Variants in SLC25A21 observed in about 807,000 individuals in gnomAD.
The protein encoded by SLC25A21 is mitochondrial 2-oxodicarboxylate carrier.
SLC25A21 carries 47 observed loss-of-function variants against 43.8 expected under a neutral mutation model. That is an observed-to-expected ratio of 1.07 (90% CI 0.85 to 1.37). The LOEUF is 1.37. SLC25A21 is among the 40% of genes most tolerant of loss of function. The pLI is 0.00. For synonymous variants in SLC25A21, 131 were observed against 121.3 expected, an observed-to-expected ratio of 1.08 and a Z score of -0.52; for missense variants, 352 against 350.2, an observed-to-expected ratio of 1.00 and a Z score of -0.04.
chr14:36,782,216 T>C (rs1887088782), intron 3 of SLC25A21, among the ~76,000 whole-genome samples: 3 of 152,230 alleles, frequency 2.0e-5, no homozygotes, highest in Admixed American at 2.0e-4. Flanking sequence ...AAGTCCTCTT[T>C]GGGTTGAAGC....
At chr14:37,087,472 A>G (rs1250940894) in intron 1 of SLC25A21, among the ~76,000 whole-genome samples, 1 of 152,208 alleles carries the variant, frequency 6.6e-6, no homozygotes, top group Non-Finnish European at 1.5e-5. Context: ...AGCTGGTACC[A>G]TTCTGCAGTA....
intron 2 of SLC25A21, among the ~76,000 whole-genome samples, chr14:36,818,886 A>G (rs1209142265): frequency 6.6e-6 from 1 of 152,180 alleles, no homozygotes; most frequent in Non-Finnish European, 1.5e-5. Flanking sequence ...TTAGGGAGAC[A>G]ATTTTCCAGT....
At chr14:36,789,460 C>T (rs1887366698) in intron 3 of SLC25A21, among the ~76,000 whole-genome samples, 1 of 151,704 alleles carries the variant, frequency 6.6e-6, no homozygotes, top group Non-Finnish European at 1.5e-5. Context: ...GGTGATTATG[C>T]TTTCATTTCG....
At chr14:37,077,020 G>A (rs1962294772) in intron 1 of SLC25A21, among the ~76,000 whole-genome samples, 1 of 152,116 alleles carries the variant, frequency 6.6e-6, no homozygotes, top group African/African-American at 2.4e-5. Flanking sequence ...ATTTTCTGAT[G>A]GCATAAAAAA....
chr14:36,746,066 T>C (rs886821660), intron 3 of SLC25A21, among the ~76,000 whole-genome samples: 7 of 151,990 alleles, frequency 4.6e-5, no homozygotes, highest in Non-Finnish European at 8.8e-5. Context: ...GAACTAAAAA[T>C]AGAACTATCA....
At chr14:36,782,696 G>T (rs921927060) in intron 3 of SLC25A21, among the ~76,000 whole-genome samples, 1 of 150,626 alleles carries the variant, frequency 6.6e-6, no homozygotes, top group Non-Finnish European at 1.5e-5. Context: ...GTAAACTATC[G>T]CAAGAACAAA....
At chr14:36,927,072 A>C (rs1200252449) in intron 1 of SLC25A21, among the ~76,000 whole-genome samples, 1 of 152,178 alleles carries the variant, frequency 6.6e-6, no homozygotes, top group Non-Finnish European at 1.5e-5. Context: ...CAGGAGGCTG[A>C]GACACAAGAG....
At chr14:36,813,771 T>C in intron 3 of SLC25A21, 147 bp downstream of exon 3, 1 of 615,308 alleles carries the variant, frequency 1.6e-6, no homozygotes, top group Non-Finnish European at 2.8e-6. Flanking sequence ...CAGTTTTCAA[T>C]CACATTATTA....
At chr14:36,709,222 C>T (rs8009351) in intron 7 of SLC25A21, among the ~76,000 whole-genome samples, 28,149 of 152,062 alleles carry the variant, frequency 0.19, 4,208 homozygotes, top group East Asian at 0.49. Context: ...AAAAACAGAG[C>T]TGGTTTCATG....
chr14:36,955,735 TTTTG>T (rs1282231025), intron 1 of SLC25A21, among the ~76,000 whole-genome samples: 1 of 152,180 alleles, frequency 6.6e-6, no homozygotes, highest in Non-Finnish European at 1.5e-5. Context: ...GGTTGTTTTT[TTTTG>T]TTTTTTGTTT....
chr14:37,140,059 G>T (rs1391259887), intron 1 of SLC25A21, among the ~76,000 whole-genome samples: 2 of 152,090 alleles, frequency 1.3e-5, no homozygotes, highest in East Asian at 1.9e-4. Context: ...AATCATCAAA[G>T]AACCCAGCTG....
chr14:36,817,048 T>A (rs891032090), intron 2 of SLC25A21, among the ~76,000 whole-genome samples: 3 of 152,162 alleles, frequency 2.0e-5, no homozygotes, highest in African/African-American at 7.2e-5. Context: ...ATAATATCCG[T>A]AATAAGCTTT....
At chr14:36,898,896 T>C (rs1028741631) in intron 1 of SLC25A21, among the ~76,000 whole-genome samples, 1 of 152,174 alleles carries the variant, frequency 6.6e-6, no homozygotes, top group Non-Finnish European at 1.5e-5. Context: ...TAACAAAATA[T>C]TGTATTCTTG....
chr14:36,880,285 G>A (rs905906934), intron 1 of SLC25A21, among the ~76,000 whole-genome samples: 5 of 152,176 alleles, frequency 3.3e-5, no homozygotes, highest in Admixed American at 6.5e-5. Flanking sequence ...TTTGGGCATA[G>A]AGGCCACACA....
chr14:36,691,141 G>A (rs1882778628), intron 7 of SLC25A21, among the ~76,000 whole-genome samples: 1 of 152,282 alleles, frequency 6.6e-6, no homozygotes, highest in East Asian at 1.9e-4. Flanking sequence ...TTATTTAGAA[G>A]TGAAGAAGCC....
At chr14:37,007,943 AT>A (rs1443200940) in intron 1 of SLC25A21, among the ~76,000 whole-genome samples, 26 of 111,458 alleles carry the variant, frequency 2.3e-4, no homozygotes, top group African/African-American at 9.8e-4. Flanking sequence ...CCAATCCAAA[AT>A]GATCGCACAA....
intron 2 of SLC25A21, among the ~76,000 whole-genome samples, chr14:36,825,870 A>T (rs751392236): frequency 2.0e-5 from 3 of 152,226 alleles, no homozygotes; most frequent in Non-Finnish European, 4.4e-5. Flanking sequence ...GAATTGTCAT[A>T]TCTAATGAAA....
intron 1 of SLC25A21, among the ~76,000 whole-genome samples, chr14:37,163,270 A>G (rs1156762976): frequency 6.6e-6 from 1 of 150,464 alleles, no homozygotes; most frequent in South Asian, 2.1e-4. Flanking sequence ...GTGCACATGT[A>G]CCCTAAAACT....
At chr14:36,761,794 C>T (rs558963532) in intron 3 of SLC25A21, among the ~76,000 whole-genome samples, 4 of 152,226 alleles carry the variant, frequency 2.6e-5, no homozygotes, top group East Asian at 1.9e-4. Context: ...TGCATATTGA[C>T]GTATAACAGA....
Sources: gnomAD v4.1 joint callset for allele counts (sites outside exome capture counted in the v4.1 genomes callset) on GRCh38, gnomAD v4.1.1 for gene constraint, MANE v1.5 for transcripts, NCBI Gene and HGNC (gene_info 2026-07-23, HGNC 2026-07-21) for gene names.